SEMA6D: variants seen among roughly 807,000 people sequenced by gnomAD.
SEMA6D encodes semaphorin 6D.
In SEMA6D, 35 loss-of-function variants were observed where a neutral mutation model predicts 106.6. That is an observed-to-expected ratio of 0.33 (90% CI 0.25 to 0.44). The LOEUF (loss-of-function observed/expected upper bound fraction) is 0.44, where lower values mean the gene tolerates loss of function less well. Among genes scored for constraint, SEMA6D ranks in the 20% least tolerant of loss-of-function variants. The pLI is 1.00. For synonymous variants in SEMA6D, 499 were observed against 487.7 expected (o/e 1.02, Z -0.31); for missense variants, 1,185 against 1,345.9 (o/e 0.88, Z 1.87).
intron 1 of SEMA6D, among the ~76,000 whole-genome samples, chr15:47,194,063 G>GTGGATGGA (rs201559354): frequency 2.6e-5 from 4 of 151,718 alleles, no homozygotes; most frequent in Middle Eastern, 3.4e-3. Context: ...GAGTGGGTAG[G>GTGGATGGA]TGGATGGATG....
At chr15:47,702,734 A>G (rs923361458) in intron 4 of SEMA6D, among the ~76,000 whole-genome samples, 3 of 152,314 alleles carry the variant, frequency 2.0e-5, no homozygotes, top group Non-Finnish European at 2.9e-5. Context: ...GAAATTAAAT[A>G]TATATTATTA....
intron 2 of SEMA6D, among the ~76,000 whole-genome samples, chr15:47,446,550 C>G (rs1461138627): frequency 1.3e-5 from 2 of 152,124 alleles, no homozygotes; most frequent in Non-Finnish European, 2.9e-5. Context: ...TGATCACTCA[C>G]TATCATAATC....
chr15:47,553,880 A>G (rs548782326), intron 3 of SEMA6D, among the ~76,000 whole-genome samples: 2 of 152,316 alleles, frequency 1.3e-5, no homozygotes, highest in African/African-American at 4.8e-5. Flanking sequence ...GAATAAGGGG[A>G]AAAACTATCC....
intron 1 of SEMA6D, among the ~76,000 whole-genome samples, chr15:47,346,949 CCCAGGCTGGAGTGCAATGATG>C (rs1235543477): frequency 6.6e-6 from 1 of 151,840 alleles, no homozygotes; most frequent in Non-Finnish European, 1.5e-5. Context: ...CTCTCTGTCA[CCCAGGCTGGAGTGCAATGATG>C]CCATCTCAGC....
At chr15:47,661,434 G>A (rs1306908899) in intron 4 of SEMA6D, among the ~76,000 whole-genome samples, 1 of 152,104 alleles carries the variant, frequency 6.6e-6, no homozygotes, top group Non-Finnish European at 1.5e-5. Context: ...TTGATACCTT[G>A]GCACTGCTCT....
At chr15:47,196,514 G>T (rs777928556) in intron 1 of SEMA6D, among the ~76,000 whole-genome samples, 3 of 152,098 alleles carry the variant, frequency 2.0e-5, no homozygotes, top group Non-Finnish European at 2.9e-5. Flanking sequence ...CAGTTTTAAC[G>T]TTTTTTCAGA....
intron 1 of SEMA6D, among the ~76,000 whole-genome samples, chr15:47,385,209 C>G (rs575016888): frequency 6.6e-6 from 1 of 152,012 alleles, no homozygotes; most frequent in East Asian, 1.9e-4. Flanking sequence ...ACACTACAAA[C>G]AGAACATTGT....
chr15:47,674,355 C>T (rs2078199468), intron 4 of SEMA6D, among the ~76,000 whole-genome samples: 1 of 152,212 alleles, frequency 6.6e-6, no homozygotes, highest in South Asian at 2.1e-4. Context: ...ACTGATTCCT[C>T]AGACACCATT....
chr15:47,495,502 A>G (rs1274871842), intron 3 of SEMA6D, among the ~76,000 whole-genome samples: 5 of 151,992 alleles, frequency 3.3e-5, no homozygotes, highest in Non-Finnish European at 7.4e-5. Context: ...TATTTATGTT[A>G]AAACTCCTGT....
At chr15:47,510,018 C>T (rs2044175937) in intron 3 of SEMA6D, among the ~76,000 whole-genome samples, 1 of 152,152 alleles carries the variant, frequency 6.6e-6, no homozygotes, top group African/African-American at 2.4e-5. Flanking sequence ...TTATTATAAA[C>T]ATCTCTCTCT....
intron 1 of SEMA6D, among the ~76,000 whole-genome samples, chr15:47,280,416 CT>C (rs2142500972): frequency 6.6e-6 from 1 of 150,484 alleles, no homozygotes; most frequent in East Asian, 2.0e-4. Context: ...ATTCTTCTCT[CT>C]TTTTTTCTTT....
chr15:47,693,179 A>T (rs897137012), intron 4 of SEMA6D, among the ~76,000 whole-genome samples: 2 of 152,142 alleles, frequency 1.3e-5, no homozygotes, highest in Non-Finnish European at 2.9e-5. Context: ...TAAAAGAAGG[A>T]AATGTATACA....
At chr15:47,570,581 A>C (rs1473953836) in intron 3 of SEMA6D, among the ~76,000 whole-genome samples, 1 of 152,090 alleles carries the variant, frequency 6.6e-6, no homozygotes, top group African/African-American at 2.4e-5. Context: ...AGGGATTGGA[A>C]CTCTAATTGG....
chr15:47,522,265 A>G (rs193023671), intron 3 of SEMA6D, among the ~76,000 whole-genome samples: 5 of 152,240 alleles, frequency 3.3e-5, no homozygotes, highest in Non-Finnish European at 7.3e-5. Context: ...ACTCATGTCT[A>G]TTCAATGCTT....
chr15:47,722,106 G>T (rs1467643150), intron 1 of SEMA6D, among the ~76,000 whole-genome samples: 1 of 152,116 alleles, frequency 6.6e-6, no homozygotes, highest in African/African-American at 2.4e-5. Flanking sequence ...CACAGCTACT[G>T]AAAGTCCTTG....
At chr15:47,425,672 C>CTTT (rs750135945) in intron 2 of SEMA6D, among the ~76,000 whole-genome samples, 1 of 136,628 alleles carries the variant, frequency 7.3e-6, no homozygotes, top group African/African-American at 2.7e-5. Context: ...AAGATACTTT[C>CTTT]TTTTTTTTTT....
At chr15:47,472,582 T>C (rs1220769450) in intron 3 of SEMA6D, among the ~76,000 whole-genome samples, 1 of 152,220 alleles carries the variant, frequency 6.6e-6, no homozygotes, top group Non-Finnish European at 1.5e-5. Flanking sequence ...CCATCTCTTA[T>C]AATCTATGTG....
intron 1 of SEMA6D, among the ~76,000 whole-genome samples, chr15:47,400,697 C>CAG (rs1339284019): frequency 1.3e-5 from 2 of 152,166 alleles, no homozygotes; most frequent in Non-Finnish European, 2.9e-5. Context: ...TGAACCTACT[C>CAG]TTCGAAGGAT....
chr15:47,196,892 G>A (rs986507513), intron 1 of SEMA6D, among the ~76,000 whole-genome samples: 2 of 152,146 alleles, frequency 1.3e-5, no homozygotes, highest in African/African-American at 4.8e-5. Context: ...AGCTTGTCAG[G>A]TTGGGTTTGT....
Sources: gnomAD v4.1 joint callset for allele counts (sites outside exome capture counted in the v4.1 genomes callset) on GRCh38, gnomAD v4.1.1 for gene constraint, MANE v1.5 for transcripts, NCBI Gene and HGNC (gene_info 2026-07-23, HGNC 2026-07-21) for gene names.